Variants in C5orf22 observed in about 807,000 individuals in gnomAD.
C5orf22 encodes chromosome 5 open reading frame 22.
Under a neutral mutation model 48.7 loss-of-function variants are expected in C5orf22, and 36 were observed. The ratio of observed to expected loss-of-function variants is 0.74; its 90% CI spans 0.57 to 0.98. C5orf22 has a LOEUF of 0.98. Ranked by LOEUF, C5orf22 falls within the 50% of genes least tolerant of loss-of-function variation. The pLI is 0.00. For missense variants in C5orf22, 486 were observed against 521.9 expected (o/e 0.93, Z 0.67); for synonymous variants, 141 against 180.8 (o/e 0.78, Z 1.76).
At chr5:31,549,668 G>A (rs1743125981) in intron 7 of C5orf22, among the ~76,000 whole-genome samples, 1 of 152,048 alleles carries the variant, frequency 6.6e-6, no homozygotes, top group South Asian at 2.1e-4. Context: ...TTGAGCCCAG[G>A]AATTTGAGAC....
At chr5:31,535,398 G>A (rs758775563) in intron 2 of C5orf22, among the ~76,000 whole-genome samples, 23 of 152,200 alleles carry the variant, frequency 1.5e-4, no homozygotes, top group Middle Eastern at 3.4e-3. Flanking sequence ...AGATGTTCTC[G>A]AATGACACTT....
At position 31,553,993 on chromosome 5, in the gene C5orf22, C is replaced by T. The variant is rs552824228; in HGVS notation, c.*1091C>T. The T allele has an allele frequency of 3.3e-5, 5 of 152,156 alleles. No homozygotes were observed. The South Asian group carries it at 1.0e-3, about 32-fold the overall frequency. 9.4% of individuals were successfully genotyped at this position (152,156 alleles called of 1,614,324 possible). A position where few individuals can be genotyped will look rare whatever the true frequency, so the allele number is the denominator to read the frequency against. On this transcript the variant is annotated 3_prime_UTR_variant, in exon 9 of 9. Coordinates refer to ENST00000325366, the MANE Select transcript of C5orf22 (RefSeq NM_018356.3). ...AGTTAAATCTTTAATTCTGACCTGC[C>T]ATAAATACCCAAAGATATAAACTGT...
chr5:31,533,695 C>G, intron 1 of C5orf22, among the ~76,000 whole-genome samples: 1 of 152,058 alleles, frequency 6.6e-6, no homozygotes, highest in East Asian at 1.9e-4. Flanking sequence ...CAAAAAGACC[C>G]TAACCAGCCT....
intron 4 of C5orf22, among the ~76,000 whole-genome samples, chr5:31,539,559 A>C (rs561555134): frequency 6.6e-6 from 1 of 152,350 alleles, no homozygotes; most frequent in Non-Finnish European, 1.5e-5. Context: ...AGAAGGTTAC[A>C]TAAGGAATTC....
chr5:31,532,302 C>T lies in C5orf22; in HGVS notation c.-91C>T, dbSNP rs1741559182. On this transcript the variant is annotated 5_prime_UTR_variant, in exon 1 of 9. Coordinates refer to ENST00000325366, the MANE Select transcript of C5orf22 (RefSeq NM_018356.3). ...GCAACCGGGTGAGGGAGCGCTTCCGCCCGGAGAGAGCTGGCCGGGATGAGG... is the reference window on the plus strand; with the variant it reads ...GCAACCGGGTGAGGGAGCGCTTCCGTCCGGAGAGAGCTGGCCGGGATGAGG... 5.1e-6 allele frequency: 7 copies of T among 1,365,660 alleles called. No homozygotes were observed. Among genetic ancestry groups the T allele is most frequent in the East Asian group, 4.6e-5 (2 of 43,322 alleles). The allele number at this position is 1,365,660 out of a possible 1,614,324, so 84.6% of individuals were successfully genotyped here.
intron 7 of C5orf22, among the ~76,000 whole-genome samples, chr5:31,549,466 CTT>C (rs35068314): frequency 0.013 from 1,885 of 148,402 alleles, 45 homozygotes; most frequent in African/African-American, 0.044. Context: ...TTTTGTTTAA[CTT>C]TTTTTTTTTT....
intron 6 of C5orf22, among the ~76,000 whole-genome samples, chr5:31,544,444 C>T (rs1309862380): frequency 5.9e-5 from 9 of 151,760 alleles, no homozygotes; most frequent in African/African-American, 1.7e-4. Flanking sequence ...ATTAGCCGGG[C>T]GTGGTGGCGG....
rs572695168 is a variant in C5orf22, at chr5:31,553,195, C to G, written c.*293C>G. The stretch of plus-strand genomic sequence containing the variant: ...TTTGTTTGTTTGTCTTCACTTTTCC[C>G]CCAGGTCTGTTGAGCTGTATGAGAT... On this transcript the variant is annotated 3_prime_UTR_variant, in exon 9 of 9. Transcript: ENST00000325366. 1.1e-4 allele frequency: 29 copies of G among 271,656 alleles called. No homozygotes were observed. In the Admixed American group the frequency reaches 1.4e-3, roughly 13 times the overall value. 16.8% of individuals were successfully genotyped at this position (271,656 alleles called of 1,614,324 possible).
intron 6 of C5orf22, among the ~76,000 whole-genome samples, chr5:31,543,615 G>A (rs1213522674): frequency 6.6e-6 from 1 of 152,142 alleles, no homozygotes; most frequent in African/African-American, 2.4e-5. Flanking sequence ...TTCCTCTTCA[G>A]TATAGGGTTC....
chr5:31,541,196 TA>T, intron 5 of C5orf22, 84 bp from the exon 6 acceptor site: 11 of 1,440,982 alleles, frequency 7.6e-6, no homozygotes, highest in Non-Finnish European at 2.9e-6. Flanking sequence ...TTTTAACTAA[TA>T]GAGCCAAGTT....
In C5orf22 at chr5:31,549,656, G is replaced by A. The variant is rs186745442; in HGVS notation, c.1060-1637G>A. Among the ~76,000 whole-genome samples the A allele has an allele frequency of 1.7e-4, 26 of 152,144 alleles. No homozygotes were observed. In the East Asian group the frequency reaches 3.9e-3, roughly 23 times the overall value. On this transcript the variant is annotated intron_variant, in intron 7 of 8. Transcript: ENST00000325366. ...TTTGGGAGGCCAAGGCAGGTAAATC[G>A]CTTGAGCCCAGGAATTTGAGACCAG...
At chr5:31,551,530 G>T (rs778775358) in intron 8 of C5orf22, 98 bp downstream of exon 8, 15 of 935,354 alleles carry the variant, frequency 1.6e-5, no homozygotes, top group Non-Finnish European at 2.4e-5. Flanking sequence ...AAGGAAATTC[G>T]CAGTGTGATT....
intron 6 of C5orf22, among the ~76,000 whole-genome samples, chr5:31,545,122 G>A (rs909650245): frequency 2.7e-5 from 4 of 150,640 alleles, no homozygotes; most frequent in African/African-American, 7.3e-5. Context: ...GCAATGGTGC[G>A]GCCTCAGCTC....
In C5orf22 at chr5:31,545,833, ATTAT is replaced by A. The variant is rs563042318; in HGVS notation, c.1059+123_1059+126del. On this transcript the variant is annotated intron_variant, in intron 7 of 8. Coordinates refer to ENST00000325366, the MANE Select transcript of C5orf22 (RefSeq NM_018356.3). The stretch of plus-strand genomic sequence containing the variant: ...TTGTGTTCCTGTGAAGTCTGAAACA[ATTAT>A]TAAGAAAAGAAATGAGTGAAAAAAA... 423 of 609,414 alleles carry A rather than the reference ATTAT, an allele frequency of 6.9e-4. 1 individual carries two copies. Among genetic ancestry groups the A allele is most frequent in the East Asian group, 2.5e-3 (85 of 34,086 alleles). 37.8% of individuals were successfully genotyped at this position (609,414 alleles called of 1,614,324 possible).
At chr5:31,541,484 C>T in intron 6 of C5orf22, 82 bp downstream of exon 6, 1 of 1,490,634 alleles carries the variant, frequency 6.7e-7, no homozygotes, top group South Asian at 1.2e-5. Context: ...AGATACATTG[C>T]TTTTAAAAAA....
chr5:31,535,508 C>G (rs975364457), intron 2 of C5orf22, among the ~76,000 whole-genome samples: 1 of 152,150 alleles, frequency 6.6e-6, no homozygotes, highest in Non-Finnish European at 1.5e-5. Context: ...GTTGGAACAT[C>G]AACCCACCAG....
At chr5:31,541,442 C>T (rs1436871785) in intron 6 of C5orf22, 40 bp downstream of exon 6, 1 of 1,605,880 alleles carries the variant, frequency 6.2e-7, no homozygotes, top group Non-Finnish European at 8.5e-7. Flanking sequence ...ACTCTACTAA[C>T]TTTCAGTCCT....
chr5:31,537,004 A>G lies in C5orf22; in HGVS notation c.377+1111A>G, dbSNP rs184802270. On this transcript the variant is annotated intron_variant, in intron 3 of 8. Transcript: ENST00000325366. ...TGTAGTATATAATCTTGTCGTTTGC[A>G]CAAATAGCTTTGTTGTGATATATGA... Among the ~76,000 whole-genome samples the G allele has an allele frequency of 2.4e-3, 366 of 152,344 alleles. 4 individuals are homozygous for G. The highest frequency in any genetic ancestry group is 8.7e-3 in the African/African-American group (360 of 41,586).
At position 31,552,846 on chromosome 5, in the gene C5orf22, G is replaced by A. The variant is rs749364289; in HGVS notation, c.1273G>A (p.Ala425Thr). The change falls in exon 9 of 9, where the codon GCC becomes ACC. Residue 425 changes from alanine (A) to threonine (T), a missense_variant. Ala to Thr is a moderately conservative substitution (Grantham distance 58). Coordinates refer to ENST00000325366, the MANE Select transcript of C5orf22 (RefSeq NM_018356.3). ...IQEKVLNMLR[A>T]LYGNLDLQVY... Reference sequence around the variant, plus strand: ...AGAAAAGGTCCTCAATATGCTACGTGCCCTCTATGGAAATCTAGACCTCCA... The same window carrying A: ...AGAAAAGGTCCTCAATATGCTACGTACCCTCTATGGAAATCTAGACCTCCA... 4 of 1,613,668 alleles carry A rather than the reference G, an allele frequency of 2.5e-6. No individual in the cohort carries two copies. Among genetic ancestry groups the A allele is most frequent in the Middle Eastern group, 1.7e-4 (1 of 6,058 alleles).
Sources: gnomAD v4.1 joint callset for allele counts (sites outside exome capture counted in the v4.1 genomes callset) on GRCh38, gnomAD v4.1.1 for gene constraint, MANE v1.5 for transcripts, NCBI Gene and HGNC (gene_info 2026-07-23, HGNC 2026-07-21) for gene names.